The following SS18 variants were observed in gnomAD, a reference collection of about 807,000 sequenced individuals.
SS18 encodes the protein SS18 subunit of BAF chromatin remodeling complex.
A neutral mutation model predicts 72.5 loss-of-function variants in SS18; 28 were observed. The ratio of observed to expected loss-of-function variants is 0.39; its 90% CI spans 0.29 to 0.53. SS18 has a LOEUF of 0.53. Among genes scored for constraint, SS18 ranks in the 20% least tolerant of loss-of-function variants. SS18 has a pLI of 0.76. For missense variants in SS18, 518 were observed against 535.3 expected (o/e 0.97, Z 0.32); for synonymous variants, 172 against 164.2 (o/e 1.05, Z -0.37).
chr18:26,087,682 A>G, intron 1 of SS18, 105 bp from the exon 2 acceptor site: 1 of 663,054 alleles, frequency 1.5e-6, no homozygotes, highest in Non-Finnish European at 2.7e-6. Flanking sequence ...TGCTTGTACA[A>G]GAACTCTAAA....
upstream of SS18, chr18:26,090,968 A>C: frequency 4.2e-6 from 1 of 240,950 alleles, no homozygotes; most frequent in African/African-American, 2.3e-5. Context: ...CGAGCGGCCC[A>C]AGCCGGCCCG....
intron 2 of SS18, among the ~76,000 whole-genome samples, chr18:26,084,521 A>G (rs368209426): frequency 1.2e-4 from 19 of 152,166 alleles, no homozygotes; most frequent in African/African-American, 4.6e-4. Flanking sequence ...AACAAACCAT[A>G]AAGTTATGAT....
chr18:26,087,460 A>G, intron 2 of SS18, 41 bp downstream of exon 2: 2 of 1,159,922 alleles, frequency 1.7e-6, no homozygotes, highest in Non-Finnish European at 2.5e-6. Context: ...ATTAACCAAT[A>G]CAAAAAACTG....
chr18:26,033,103 T>G (rs919795150), intron 9 of SS18, among the ~76,000 whole-genome samples: 1 of 152,194 alleles, frequency 6.6e-6, no homozygotes, highest in East Asian at 1.9e-4. Flanking sequence ...AAAACTTGAT[T>G]CAAAAGTCAC....
Position 26,016,382 on chromosome 18 carries a change from A to G in SS18, c.*1972T>C, listed in dbSNP as rs1454442691. On this transcript the variant is annotated 3_prime_UTR_variant, in exon 11 of 11. Coordinates refer to ENST00000415083, the MANE Select transcript of SS18 (RefSeq NM_001007559.3). ...ATCACAATAAGGCTGTCCATGATTT[A>G]TCTGTTCAAACTTGATGTCCATTTT... 2.7e-5 allele frequency: 5 copies of G among 183,274 alleles called. No individual in the cohort carries two copies. Among genetic ancestry groups the G allele is most frequent in the Non-Finnish European group, 5.8e-5 (5 of 85,930 alleles). The allele number at this position is 183,274 out of a possible 1,614,324, so 11.4% of individuals were successfully genotyped here. A position where few individuals can be genotyped will look rare whatever the true frequency, so the allele number is the denominator to read the frequency against.
chr18:26,023,599 A>G (rs1432605859), intron 10 of SS18: 2 of 530,654 alleles, frequency 3.8e-6, no homozygotes, highest in Admixed American at 4.5e-5. Context: ...TAAAGTATGG[A>G]AAGAAAACAA....
At chr18:26,042,636 CAA>C (rs34743017) in intron 5 of SS18, among the ~76,000 whole-genome samples, 65 of 93,532 alleles carry the variant, frequency 6.9e-4, no homozygotes, top group Admixed American at 7.2e-4. Context: ...AGTCAGTGGT[CAA>C]AAAAAAAAAA....
chr18:26,078,468 T>A (rs1028702667), intron 2 of SS18: 1 of 220,258 alleles, frequency 4.5e-6, no homozygotes, highest in African/African-American at 2.3e-5. Context: ...AACTAATGTT[T>A]AGAGAGGTTG....
chr18:26,024,843 C>G (rs1368836584), intron 10 of SS18, among the ~76,000 whole-genome samples: 1 of 151,882 alleles, frequency 6.6e-6, no homozygotes, highest in African/African-American at 2.4e-5. Context: ...ATGTCAAAAA[C>G]CCCAATTTAA....
intron 3 of SS18, among the ~76,000 whole-genome samples, chr18:26,063,388 G>A (rs959794036): frequency 6.6e-5 from 10 of 152,002 alleles, no homozygotes; most frequent in Admixed American, 2.6e-4. Context: ...GCGTGGTGGC[G>A]GGCGCCTGTA....
chr18:26,070,972 T>C (rs1412746044), intron 3 of SS18, among the ~76,000 whole-genome samples: 1 of 151,984 alleles, frequency 6.6e-6, no homozygotes, highest in Non-Finnish European at 1.5e-5. Context: ...ATTCTAGAAA[T>C]AGAAAAATAT....
chr18:26,047,580 G>C (rs1044139540), intron 5 of SS18, among the ~76,000 whole-genome samples: 1 of 152,094 alleles, frequency 6.6e-6, no homozygotes, highest in African/African-American at 2.4e-5. Context: ...GCTCATGCCT[G>C]TCTGTAATCC....
At position 26,040,215 on chromosome 18, in the gene SS18, T is replaced by G. The variant is rs574395093; in HGVS notation, c.608-759A>C. 1.9e-4 allele frequency among the ~76,000 whole-genome samples: 29 copies of G among 152,324 alleles called. No homozygotes were observed. The East Asian group carries it at 5.6e-3, about 29-fold the overall frequency. On this transcript the variant is annotated intron_variant, in intron 5 of 10. Coordinates refer to ENST00000415083, the MANE Select transcript of SS18 (RefSeq NM_001007559.3). Reference sequence around the variant, plus strand: ...ACAGAGTTTCCAAAGTGAGCAATACTGGGGTAGCCAAACTACCACTGCTAT... The same window carrying G: ...ACAGAGTTTCCAAAGTGAGCAATACGGGGGTAGCCAAACTACCACTGCTAT...
At chr18:26,056,755 G>C (rs2054029644) in intron 4 of SS18, among the ~76,000 whole-genome samples, 1 of 152,084 alleles carries the variant, frequency 6.6e-6, no homozygotes, top group Non-Finnish European at 1.5e-5. Flanking sequence ...CTTTATCAAT[G>C]AAAATAACTT....
intron 3 of SS18, among the ~76,000 whole-genome samples, chr18:26,072,301 C>T (rs368140840): frequency 2.0e-5 from 3 of 150,848 alleles, no homozygotes; most frequent in Admixed American, 6.6e-5. Context: ...AATTATTGGC[C>T]GGGCACAGTG....
chr18:26,034,968 T>G, intron 9 of SS18, 37 bp downstream of exon 9: 1 of 1,586,458 alleles, frequency 6.3e-7, no homozygotes, highest in Non-Finnish European at 8.6e-7. Flanking sequence ...ATCAGCACAT[T>G]TTTTTGGTGA....
chr18:26,039,404 T>C lies in SS18; in HGVS notation c.660A>G (p.Gly220=). The change falls in exon 6 of 11, where the codon GGA becomes GGG. Residue 220 remains glycine, a synonymous_variant. Coordinates refer to ENST00000415083, the MANE Select transcript of SS18 (RefSeq NM_001007559.3). Reference sequence around the variant, plus strand: ...GCTGTCCTTGGTAATGCTGTCCGCCTCCCTGTGGCATATTGTATTGCTGAG... The same window carrying C: ...GCTGTCCTTGGTAATGCTGTCCGCCCCCCTGTGGCATATTGTATTGCTGAG... The part of the protein sequence containing the change: ...PPSQQYNMPQ[G]GGQHYQGQQP... 1.2e-6 allele frequency: 2 copies of C among 1,613,812 alleles called. No individual in the cohort carries two copies.
At chr18:26,042,479 C>G (rs1355789224) in intron 5 of SS18, among the ~76,000 whole-genome samples, 1 of 151,992 alleles carries the variant, frequency 6.6e-6, no homozygotes, top group African/African-American at 2.4e-5. Flanking sequence ...ATTATTTCTT[C>G]CCATTTTGAG....
intron 5 of SS18, among the ~76,000 whole-genome samples, chr18:26,051,302 T>C (rs1005449967): frequency 1.3e-5 from 2 of 152,216 alleles, no homozygotes; most frequent in South Asian, 2.1e-4. Context: ...AAATACGACA[T>C]TTTTAAAAAT....
Sources: gnomAD v4.1 joint callset for allele counts (sites outside exome capture counted in the v4.1 genomes callset) on GRCh38, gnomAD v4.1.1 for gene constraint, MANE v1.5 for transcripts, NCBI Gene and HGNC (gene_info 2026-07-23, HGNC 2026-07-21) for gene names.